The following DAB1 variants were observed in gnomAD, a reference collection of about 807,000 sequenced individuals.
DAB1 encodes the protein disabled homolog 1.
A neutral mutation model predicts 64.6 loss-of-function variants in DAB1; 15 were observed. That is an observed-to-expected ratio of 0.23 (90% CI 0.16 to 0.36). The LOEUF is 0.36. DAB1 is among the 10% of genes least tolerant of loss of function. The pLI, the probability that DAB1 is intolerant of heterozygous loss-of-function variation, is 1.00. For synonymous variants in DAB1, 235 were observed against 251.9 expected (o/e 0.93, Z 0.64); for missense variants, 596 against 706.7 (o/e 0.84, Z 1.78).
intron 2 of DAB1, among the ~76,000 whole-genome samples, chr1:57,282,839 G>C (rs1672021852): frequency 6.6e-6 from 1 of 152,154 alleles, no homozygotes. Flanking sequence ...AGTTCATATA[G>C]AATGATTAGC....
chr1:58,236,104 CCCCCGCCCCACCCCG>C (rs975120171), intron 4 of DAB1, among the ~76,000 whole-genome samples: 7 of 149,456 alleles, frequency 4.7e-5, no homozygotes, highest in African/African-American at 1.5e-4. Flanking sequence ...CCTGCCCGCC[CCCCCGCCCCACCCCG>C]CCCCGCCCCC....
At chr1:58,418,284 T>C (rs1644741338) in intron 3 of DAB1, among the ~76,000 whole-genome samples, 1 of 152,208 alleles carries the variant, frequency 6.6e-6, no homozygotes, top group African/African-American at 2.4e-5. Flanking sequence ...AGCAAGAGAA[T>C]TTAATTCCCT....
chr1:58,401,077 C>T (rs1335461213), intron 3 of DAB1, among the ~76,000 whole-genome samples: 1 of 152,132 alleles, frequency 6.6e-6, no homozygotes, highest in African/African-American at 2.4e-5. Context: ...CCTAATTCCA[C>T]ATCACAAACT....
At chr1:58,469,401 T>TA (rs145695070) in intron 3 of DAB1, among the ~76,000 whole-genome samples, 25,485 of 148,748 alleles carry the variant, frequency 0.17, 2,307 homozygotes, top group Admixed American at 0.27. Context: ...GTAGGTGCTT[T>TA]AAAAAAAAAA....
intron 1 of DAB1, among the ~76,000 whole-genome samples, chr1:57,367,645 C>T (rs1408056569): frequency 6.6e-6 from 1 of 152,200 alleles, no homozygotes; most frequent in Admixed American, 6.5e-5. Flanking sequence ...ACGCTAGCTG[C>T]AGCAGTGTGG....
chr1:57,209,192 A>G (rs1026851408), intron 2 of DAB1, among the ~76,000 whole-genome samples: 5 of 152,194 alleles, frequency 3.3e-5, no homozygotes, highest in African/African-American at 1.2e-4. Flanking sequence ...GCCATGAGGG[A>G]TGGTGATTCT....
Position 57,072,412 on chromosome 1 carries a change from G to T in DAB1, c.309C>A (p.Ala103=). The change falls in exon 5 of 15, where the codon GCC becomes GCA. Residue 103 remains alanine, a splice_region_variant and synonymous_variant. Transcript: ENST00000371236. ...CATGAACAGCATGATGATGCTGAAG[G>T]GCCTATCAGAGAAAAAAAAGGAAGA... ...GIKIFDEKTG[A]LQHHHAVHEI... is the part of the protein sequence containing the mutation. 1.1e-5 allele frequency: 17 copies of T among 1,611,162 alleles called. No individual in the cohort carries two copies. Among genetic ancestry groups the T allele is most frequent in the Non-Finnish European group, 1.4e-5 (17 of 1,178,752 alleles).
chr1:58,325,640 AT>A, intron 4 of DAB1, among the ~76,000 whole-genome samples: 1 of 152,182 alleles, frequency 6.6e-6, no homozygotes, highest in East Asian at 1.9e-4. Flanking sequence ...GAAAAAAATA[AT>A]AACAATATTA....
At chr1:57,090,909 G>A (rs990616579) in intron 4 of DAB1, among the ~76,000 whole-genome samples, 2 of 152,052 alleles carry the variant, frequency 1.3e-5, no homozygotes, top group African/African-American at 2.4e-5. Context: ...ATAGGAGCGC[G>A]AACCCTATTG....
chr1:57,112,961 G>A (rs571089144), intron 4 of DAB1, among the ~76,000 whole-genome samples: 1 of 152,212 alleles, frequency 6.6e-6, no homozygotes, highest in East Asian at 1.9e-4. Context: ...AAACATGAAG[G>A]ACTAACAAAA....
chr1:57,780,331 A>G (rs1466668836), intron 6 of DAB1, among the ~76,000 whole-genome samples: 1 of 152,178 alleles, frequency 6.6e-6, no homozygotes, highest in Non-Finnish European at 1.5e-5. Flanking sequence ...AAAAACAAGA[A>G]AAGTAATTGA....
At chr1:57,140,035 G>A (rs1658450330) in intron 3 of DAB1, among the ~76,000 whole-genome samples, 1 of 152,154 alleles carries the variant, frequency 6.6e-6, no homozygotes, top group East Asian at 1.9e-4. Context: ...GAGTGGGCCT[G>A]CCACAAGACA....
At chr1:57,889,539 C>T (rs868504094) in intron 5 of DAB1, among the ~76,000 whole-genome samples, 44 of 152,110 alleles carry the variant, frequency 2.9e-4, no homozygotes, top group African/African-American at 1.0e-3. Context: ...AACAAGACAA[C>T]AGTGTAACAA....
chr1:57,395,932 G>A (rs1682771834), intron 1 of DAB1, among the ~76,000 whole-genome samples: 1 of 152,138 alleles, frequency 6.6e-6, no homozygotes, highest in Admixed American at 6.5e-5. Context: ...AGGTCCCAAG[G>A]ACTGGCAAAT....
chr1:57,414,932 C>A (rs1050492686), intron 1 of DAB1, among the ~76,000 whole-genome samples: 1 of 152,100 alleles, frequency 6.6e-6, no homozygotes, highest in African/African-American at 2.4e-5. Context: ...ATGGCATTAT[C>A]TTTTAATCAG....
intron 2 of DAB1, among the ~76,000 whole-genome samples, chr1:57,173,723 C>T (rs1662016923): frequency 6.6e-6 from 1 of 152,004 alleles, no homozygotes; most frequent in African/African-American, 2.4e-5. Flanking sequence ...GGCATAGGGC[C>T]CAAATAGCAT....
intron 5 of DAB1, among the ~76,000 whole-genome samples, chr1:58,038,966 T>G (rs1647090233): frequency 6.6e-6 from 1 of 152,108 alleles, no homozygotes; most frequent in African/African-American, 2.4e-5. Flanking sequence ...TTACTGGCCA[T>G]CCCACCCTCC....
chr1:57,695,408 GAAAGAAAGAAAGAAAGAAAGAAAGAAAA>G (rs1646830846), intron 6 of DAB1, among the ~76,000 whole-genome samples: 4 of 115,362 alleles, frequency 3.5e-5, no homozygotes, highest in Admixed American at 2.5e-4. Flanking sequence ...AAGAAAGAAA[GAAAGAAAGAAAGAAAGAAAGAAAGAAAA>G]AAGAAGAAAA....
chr1:57,953,969 T>G (rs556390733), intron 5 of DAB1, among the ~76,000 whole-genome samples: 1 of 152,206 alleles, frequency 6.6e-6, no homozygotes, highest in East Asian at 1.9e-4. Flanking sequence ...CCTTTTTGGT[T>G]TTTATTAACC....
Sources: allele counts gnomAD v4.1 joint callset (sites outside exome capture counted in the v4.1 genomes callset), GRCh38; gene constraint gnomAD v4.1.1; transcripts MANE v1.5; gene names NCBI Gene and HGNC (gene_info 2026-07-23, HGNC 2026-07-21).